LMNB1: variants seen among roughly 807,000 people sequenced by gnomAD.
LMNB1 encodes lamin-B1.
In LMNB1, 23 loss-of-function variants were observed where a neutral mutation model predicts 67.1. The observed-to-expected ratio is 0.34, with a 90% CI of 0.25 to 0.49. The LOEUF (loss-of-function observed/expected upper bound fraction) is 0.49. Ranked by LOEUF, LMNB1 falls within the 20% of genes least tolerant of loss-of-function variation. LMNB1 has a pLI of 0.99. For synonymous variants in LMNB1, 281 were observed against 282.9 expected, an observed-to-expected ratio of 0.99 and a Z score of 0.07; for missense variants, 634 against 746.5, an observed-to-expected ratio of 0.85 and a Z score of 1.76.
At chr5:126,820,838 TG>T (rs1171617582) in intron 6 of LMNB1, 71 bp from the exon 7 acceptor site, 79 of 1,173,706 alleles carry the variant, frequency 6.7e-5, no homozygotes, top group South Asian at 4.1e-4. Flanking sequence ...CTTGTTTTTT[TG>T]TTTTTTTTTT....
At chr5:126,805,802 A>G in intron 3 of LMNB1, 106 bp downstream of exon 3, 2 of 873,870 alleles carry the variant, frequency 2.3e-6, no homozygotes, top group East Asian at 5.2e-5. Flanking sequence ...TTTGCCACAA[A>G]AATATATCAG....
intron 1 of LMNB1, among the ~76,000 whole-genome samples, chr5:126,789,384 A>T (rs1289347241): frequency 6.6e-6 from 1 of 152,138 alleles, no homozygotes; most frequent in African/African-American, 2.4e-5. Context: ...TAGGGTGACC[A>T]TATAATTTGG....
At position 126,803,491 on chromosome 5, in the gene LMNB1, G is replaced by A. The variant is rs112545404; in HGVS notation, c.360-1285G>A. ...TTGAACTCCCAACATCAGGTGATCC[G>A]CCCACCTCAGCCTCCCAGAGTGCTG... On this transcript the variant is annotated intron_variant, in intron 1 of 10. Transcript: ENST00000261366. Among the ~76,000 whole-genome samples, 366 of 151,964 alleles carry A rather than the reference G, an allele frequency of 2.4e-3. 1 individual carries two copies. Among genetic ancestry groups the A allele is most frequent in the African/African-American group, 7.7e-3 (319 of 41,454 alleles).
intron 1 of LMNB1, among the ~76,000 whole-genome samples, chr5:126,779,263 AACTGCACT>A (rs1197140564): frequency 1.3e-5 from 2 of 152,352 alleles, no homozygotes; most frequent in Admixed American, 1.3e-4. Flanking sequence ...GAAAAACGAT[AACTGCACT>A]ACCTCTTTCC....
Position 126,777,733 on chromosome 5 carries a change from C to T in LMNB1, c.225C>T (p.Leu75=), listed in dbSNP as rs1299742947. The T allele has an allele frequency of 1.3e-6, 2 of 1,540,802 alleles. No homozygotes were observed. Among genetic ancestry groups the T allele is most frequent in the Admixed American group, 2.0e-5 (1 of 50,540 alleles). ...GCGAGGAGGTGCGCGGCCGTGAGCT[C>T]ACCGGCCTCAAGGCGCTCTACGAGA... is the stretch of plus-strand genomic sequence containing the variant. ...TEREEVRGRE[L]TGLKALYETE... is the part of the protein sequence containing the mutation. Residue 75 remains leucine (L), a synonymous_variant, in exon 1 of 11, where the codon CTC becomes CTT. Transcript: ENST00000261366.
chr5:126,820,431 G>A (rs1751835263), intron 6 of LMNB1, among the ~76,000 whole-genome samples: 1 of 152,200 alleles, frequency 6.6e-6, no homozygotes, highest in African/African-American at 2.4e-5. Context: ...GGCACCTTAT[G>A]AAGAAGTTTA....
At chr5:126,834,258 C>T (rs1027394146) in intron 10 of LMNB1, among the ~76,000 whole-genome samples, 7 of 151,150 alleles carry the variant, frequency 4.6e-5, no homozygotes, top group South Asian at 4.2e-4. Context: ...CAGGCTGGAG[C>T]GCAGTGGCGC....
intron 1 of LMNB1, among the ~76,000 whole-genome samples, chr5:126,800,982 A>ATTTTTTTTTTTTTTTTTT (rs57114367): frequency 5.4e-5 from 1 of 18,632 alleles, no homozygotes; most frequent in Non-Finnish European, 1.0e-4. Flanking sequence ...TATATATATA[A>ATTTTTTTTTTTTTTTTTT]TTTTTTTTTT....
intron 4 of LMNB1, among the ~76,000 whole-genome samples, chr5:126,811,521 T>C (rs1180187160): frequency 1.3e-5 from 2 of 152,192 alleles, no homozygotes; most frequent in Non-Finnish European, 2.9e-5. Flanking sequence ...AGATGAAATA[T>C]TGAAGTAATA....
intron 10 of LMNB1, 49 bp from the exon 11 acceptor site, chr5:126,836,174 T>C: frequency 1.4e-6 from 2 of 1,412,638 alleles, no homozygotes; most frequent in Non-Finnish European, 2.0e-6. Flanking sequence ...TTTAGAATAC[T>C]GTGATCTATT....
At chr5:126,799,806 A>T (rs1751220142) in intron 1 of LMNB1, among the ~76,000 whole-genome samples, 1 of 152,230 alleles carries the variant, frequency 6.6e-6, no homozygotes, top group African/African-American at 2.4e-5. Flanking sequence ...TATAAATGCC[A>T]CTGTACATTT....
intron 1 of LMNB1, among the ~76,000 whole-genome samples, chr5:126,800,977 A>T (rs1364828026): frequency 0.021 from 808 of 38,192 alleles, 27 homozygotes; most frequent in African/African-American, 0.051. Context: ...ATATATATAT[A>T]TATAATTTTT....
chr5:126,828,667 C>G (rs1018718105), intron 9 of LMNB1, among the ~76,000 whole-genome samples: 1 of 151,694 alleles, frequency 6.6e-6, no homozygotes, highest in Non-Finnish European at 1.5e-5. Context: ...CTGCAACCTC[C>G]GCCTCCTGCC....
chr5:126,831,068 A>G (rs1209638855), intron 9 of LMNB1, among the ~76,000 whole-genome samples: 1 of 152,184 alleles, frequency 6.6e-6, no homozygotes, highest in Non-Finnish European at 1.5e-5. Flanking sequence ...CCCACAAAAT[A>G]CTGTTCTGCC....
intron 1 of LMNB1, among the ~76,000 whole-genome samples, chr5:126,790,979 C>G (rs753237556): frequency 1.4e-4 from 21 of 151,902 alleles, no homozygotes; most frequent in Non-Finnish European, 2.8e-4. Context: ...CCAGGTCGCG[C>G]CATTGCACTC....
intron 5 of LMNB1, among the ~76,000 whole-genome samples, chr5:126,812,117 C>T (rs960574643): frequency 2.0e-5 from 3 of 152,204 alleles, no homozygotes; most frequent in African/African-American, 7.2e-5. Flanking sequence ...TAGTAGATTA[C>T]ACAGAGCTAA....
At chr5:126,789,700 G>T (rs1750902386) in intron 1 of LMNB1, among the ~76,000 whole-genome samples, 1 of 151,982 alleles carries the variant, frequency 6.6e-6, no homozygotes, top group South Asian at 2.1e-4. Context: ...TTGAGGACGA[G>T]ACTTGCTGTG....
chr5:126,827,560 C>T (rs1360771667), intron 9 of LMNB1, among the ~76,000 whole-genome samples: 1 of 152,172 alleles, frequency 6.6e-6, no homozygotes, highest in East Asian at 1.9e-4. Flanking sequence ...ACTCAGGAAG[C>T]TGAGGCAGGA....
upstream of LMNB1, chr5:126,776,888 T>C (rs35091677): frequency 0.2 from 31,027 of 152,036 alleles, 3,301 homozygotes; most frequent in East Asian, 0.31. Context: ...GCCCTGAGCC[T>C]GGTCCGGGAA....
Sources: allele counts gnomAD v4.1 joint callset (sites outside exome capture counted in the v4.1 genomes callset), GRCh38; gene constraint gnomAD v4.1.1; transcripts MANE v1.5; gene names NCBI Gene and HGNC (gene_info 2026-07-23, HGNC 2026-07-21).